HS6ST3: variants seen among roughly 807,000 people sequenced by gnomAD.
HS6ST3 encodes the protein heparan sulfate 6-O-sulfotransferase 3, also known as heparan-sulfate 6-O-sulfotransferase 3.
A neutral mutation model predicts 36.7 loss-of-function variants in HS6ST3; 12 were observed. That is an observed-to-expected ratio of 0.33 (90% CI 0.21 to 0.53). The LOEUF is 0.53. Ranked by LOEUF, HS6ST3 falls within the 20% of genes least tolerant of loss-of-function variation. HS6ST3 has a pLI of 0.95. For missense variants in HS6ST3, 584 were observed against 640.9 expected, an observed-to-expected ratio of 0.91 and a Z score of 0.96; for synonymous variants, 240 against 257.5, an observed-to-expected ratio of 0.93 and a Z score of 0.65.
intron 1 of HS6ST3, among the ~76,000 whole-genome samples, chr13:96,160,009 C>G (rs1344585027): frequency 6.6e-6 from 1 of 152,142 alleles, no homozygotes; most frequent in Admixed American, 6.5e-5. Flanking sequence ...ACAATAGAAT[C>G]TATTTTGTAA....
intron 1 of HS6ST3, among the ~76,000 whole-genome samples, chr13:96,356,959 G>A (rs537368965): frequency 1.3e-5 from 2 of 152,202 alleles, no homozygotes; most frequent in Admixed American, 1.3e-4. Flanking sequence ...ACTTGCTTCA[G>A]CATCTCCAAC....
chr13:96,244,293 A>G (rs1464378337), intron 1 of HS6ST3, among the ~76,000 whole-genome samples: 1 of 152,180 alleles, frequency 6.6e-6, no homozygotes, highest in East Asian at 1.9e-4. Flanking sequence ...CTGAATAGGA[A>G]AGAAGGTTGA....
At chr13:96,784,911 C>A (rs575921006) in intron 1 of HS6ST3, among the ~76,000 whole-genome samples, 8 of 152,142 alleles carry the variant, frequency 5.3e-5, no homozygotes, top group African/African-American at 1.9e-4. Flanking sequence ...CTCACTCCTG[C>A]GATCCCAGCA....
intron 1 of HS6ST3, among the ~76,000 whole-genome samples, chr13:96,538,144 CT>C (rs61416273): frequency 0.014 from 2,100 of 152,326 alleles, 49 homozygotes; most frequent in African/African-American, 0.047. Context: ...CTGAGGTCCC[CT>C]GTCCAGCATA....
intron 1 of HS6ST3, among the ~76,000 whole-genome samples, chr13:96,397,623 G>A (rs1043882197): frequency 2.6e-5 from 4 of 152,138 alleles, no homozygotes; most frequent in Non-Finnish European, 5.9e-5. Flanking sequence ...ACCAGAGAAG[G>A]TAGTAGGCTG....
intron 1 of HS6ST3, among the ~76,000 whole-genome samples, chr13:96,314,693 A>G (rs1489299215): frequency 1.3e-5 from 2 of 152,216 alleles, no homozygotes; most frequent in Non-Finnish European, 2.9e-5. Context: ...AGGAGAATAA[A>G]TTCAGAATTA....
At chr13:96,548,723 C>G (rs1180435959) in intron 1 of HS6ST3, among the ~76,000 whole-genome samples, 1 of 152,164 alleles carries the variant, frequency 6.6e-6, no homozygotes, top group Non-Finnish European at 1.5e-5. Context: ...TGCTGTAGAA[C>G]CAGAAACTGC....
intron 1 of HS6ST3, among the ~76,000 whole-genome samples, chr13:96,339,180 C>T (rs1482923245): frequency 6.6e-6 from 1 of 152,014 alleles, no homozygotes; most frequent in Admixed American, 6.6e-5. Context: ...ACAACAAAAA[C>T]AACAAAACAA....
At chr13:96,541,239 G>C (rs538935457) in intron 1 of HS6ST3, among the ~76,000 whole-genome samples, 114 of 152,144 alleles carry the variant, frequency 7.5e-4, no homozygotes, top group East Asian at 2.5e-3. Context: ...GTTTCACCAT[G>C]TTGGCCAGGC....
chr13:96,540,076 A>T (rs1234099086), intron 1 of HS6ST3, among the ~76,000 whole-genome samples: 1 of 152,234 alleles, frequency 6.6e-6, no homozygotes, highest in African/African-American at 2.4e-5. Context: ...ATCTCTACAG[A>T]TAACTCTTTC....
intron 1 of HS6ST3, among the ~76,000 whole-genome samples, chr13:96,280,651 A>G (rs980314122): frequency 6.6e-6 from 1 of 152,230 alleles, no homozygotes. Context: ...GCTACATAAC[A>G]CAAAACCTGC....
At chr13:96,678,769 A>C (rs964383110) in intron 1 of HS6ST3, among the ~76,000 whole-genome samples, 4 of 152,066 alleles carry the variant, frequency 2.6e-5, no homozygotes, top group Admixed American at 2.6e-4. Flanking sequence ...AATAATATAG[A>C]GTTGCTTAGA....
At chr13:96,565,275 C>T (rs773126155) in intron 1 of HS6ST3, among the ~76,000 whole-genome samples, 8 of 151,942 alleles carry the variant, frequency 5.3e-5, no homozygotes, top group Non-Finnish European at 1.0e-4. Context: ...CAGAGAAGTG[C>T]ATATTTAAAC....
intron 1 of HS6ST3, among the ~76,000 whole-genome samples, chr13:96,229,439 G>A (rs1462157100): frequency 2.0e-5 from 3 of 152,134 alleles, no homozygotes; most frequent in African/African-American, 7.2e-5. Flanking sequence ...AGGTGCTGGT[G>A]GATTTGGTCC....
At chr13:96,829,635 C>A (rs1483572395) in intron 1 of HS6ST3, among the ~76,000 whole-genome samples, 1 of 152,108 alleles carries the variant, frequency 6.6e-6, no homozygotes, top group African/African-American at 2.4e-5. Flanking sequence ...CCAACTCTAT[C>A]CATGTCCAAG....
chr13:96,465,679 A>G (rs2055810119), intron 1 of HS6ST3, among the ~76,000 whole-genome samples: 1 of 151,994 alleles, frequency 6.6e-6, no homozygotes, highest in South Asian at 2.1e-4. Flanking sequence ...GTAAAGTACA[A>G]TTTTCTGCTT....
At chr13:96,454,362 T>C (rs544120330) in intron 1 of HS6ST3, among the ~76,000 whole-genome samples, 3 of 152,288 alleles carry the variant, frequency 2.0e-5, no homozygotes, top group African/African-American at 2.4e-5. Context: ...ATAGCAATCA[T>C]TGATTTTGGG....
In HS6ST3 at chr13:96,583,204, C is replaced by CTTTTTTTTTTTTTTTTTT; in HGVS notation, c.708-249276_708-249259dup. Among the ~76,000 whole-genome samples the CTTTTTTTTTTTTTTTTTT allele has an allele frequency of 1.1e-3, 57 of 52,928 alleles. 13 individuals carry two copies. The highest frequency in any genetic ancestry group is 1.6e-3 in the African/African-American group (20 of 12,426). 34.7% of individuals were successfully genotyped at this position (52,928 alleles called of 152,430 possible). A position where few individuals can be genotyped will look rare whatever the true frequency, so the allele number is the denominator to read the frequency against. On this transcript the variant is annotated intron_variant, in intron 1 of 1. Transcript: ENST00000376705. ...AATGGCTTCAATTTCTTTTTCTTTT[C>CTTTTTTTTTTTTTTTTTT]TTTTTTTTTTTTTTTTTTTTTTTTT... is the stretch of plus-strand genomic sequence containing the variant.
intron 1 of HS6ST3, among the ~76,000 whole-genome samples, chr13:96,164,622 T>G: frequency 6.6e-6 from 1 of 152,134 alleles, no homozygotes; most frequent in Non-Finnish European, 1.5e-5. Context: ...AGAAAGTGTC[T>G]GCTCCACACA....
Sources: allele counts gnomAD v4.1 joint callset (sites outside exome capture counted in the v4.1 genomes callset), GRCh38; gene constraint gnomAD v4.1.1; transcripts MANE v1.5; gene names NCBI Gene and HGNC (gene_info 2026-07-23, HGNC 2026-07-21).